The following FGF12 variants were observed in gnomAD, a reference collection of about 807,000 sequenced individuals.
The protein encoded by FGF12 is fibroblast growth factor 12B.
FGF12 carries 14 observed loss-of-function variants against 23.6 expected under a neutral mutation model. The ratio of observed to expected loss-of-function variants is 0.59; its 90% CI spans 0.39 to 0.93. The LOEUF (loss-of-function observed/expected upper bound fraction) is 0.93. FGF12 is among the 40% of genes least tolerant of loss of function. FGF12 has a pLI of 0.00. For missense variants in FGF12, 175 were observed against 217.8 expected, an observed-to-expected ratio of 0.80 and a Z score of 1.24; for synonymous variants, 62 against 77.3, an observed-to-expected ratio of 0.80 and a Z score of 1.04.
At chr3:192,397,328 T>C (rs80326574) in intron 2 of FGF12, among the ~76,000 whole-genome samples, 3 of 152,218 alleles carry the variant, frequency 2.0e-5, no homozygotes, top group African/African-American at 7.2e-5. Context: ...GAATCCTCTC[T>C]ACTTTCCCGA....
At chr3:192,577,874 G>GT (rs35835840) in intron 2 of FGF12, among the ~76,000 whole-genome samples, 118,066 of 152,080 alleles carry the variant, frequency 0.78, 46,222 homozygotes, top group East Asian at 0.98. Context: ...CTAATGTGAA[G>GT]TGTTAGATAA....
intron 2 of FGF12, among the ~76,000 whole-genome samples, chr3:192,512,914 A>G (rs535615225): frequency 1.6e-4 from 23 of 142,794 alleles, no homozygotes; most frequent in African/African-American, 5.9e-4. Flanking sequence ...TGAGTTTCAA[A>G]GATGGGTAGT....
chr3:192,407,956 C>G (rs1721030634), intron 2 of FGF12: 1 of 1,481,020 alleles, frequency 6.8e-7, no homozygotes, highest in African/African-American at 1.4e-5. Flanking sequence ...ACGGGGGTCC[C>G]GAGGTGCTTT....
intron 2 of FGF12, among the ~76,000 whole-genome samples, chr3:192,623,883 C>G (rs1269263155): frequency 6.6e-6 from 1 of 152,160 alleles, no homozygotes; most frequent in Admixed American, 6.5e-5. Context: ...GTAATCATGA[C>G]TAGTTGCCAA....
chr3:192,391,146 T>C (rs1356727082), intron 2 of FGF12, among the ~76,000 whole-genome samples: 3 of 152,268 alleles, frequency 2.0e-5, no homozygotes, highest in African/African-American at 7.2e-5. Context: ...GATGCACCGC[T>C]TGGGGATTAG....
intron 4 of FGF12, among the ~76,000 whole-genome samples, chr3:192,229,973 T>C (rs1473102339): frequency 3.0e-4 from 46 of 151,450 alleles, no homozygotes. Flanking sequence ...GAGAAAGATG[T>C]TGTAAACTTT....
chr3:192,503,793 A>C (rs1724207814), intron 2 of FGF12, among the ~76,000 whole-genome samples: 3 of 151,976 alleles, frequency 2.0e-5, no homozygotes, highest in African/African-American at 7.3e-5. Flanking sequence ...TTTTTAGTAG[A>C]GACGGGGTTT....
At chr3:192,244,867 C>T (rs1435170234) in intron 4 of FGF12, 1 of 152,104 alleles carries the variant, frequency 6.6e-6, no homozygotes, top group African/African-American at 2.4e-5. Context: ...TGACCCAGAG[C>T]CCTTCGAGTC....
intron 2 of FGF12, among the ~76,000 whole-genome samples, chr3:192,666,641 T>G (rs1716881677): frequency 6.6e-6 from 1 of 152,054 alleles, no homozygotes; most frequent in Non-Finnish European, 1.5e-5. Flanking sequence ...ACCATGGAGG[T>G]CTTCAAGTCC....
chr3:192,189,361 C>G (rs1470465784), intron 4 of FGF12, among the ~76,000 whole-genome samples: 2 of 152,178 alleles, frequency 1.3e-5, no homozygotes, highest in Non-Finnish European at 2.9e-5. Context: ...CCTCTCCAAA[C>G]AGAAATTAGC....
chr3:192,446,563 G>A (rs560720178), intron 2 of FGF12, among the ~76,000 whole-genome samples: 61 of 152,142 alleles, frequency 4.0e-4, no homozygotes, highest in Non-Finnish European at 7.8e-4. Flanking sequence ...TCTGCTTCCC[G>A]TGGGTCTTTA....
chr3:192,555,650 A>AG (rs1435100814), intron 2 of FGF12, among the ~76,000 whole-genome samples: 3 of 112,900 alleles, frequency 2.7e-5, no homozygotes, highest in Admixed American at 8.5e-5. Context: ...AAAAAAAAAA[A>AG]GGCCAGGTGT....
intron 2 of FGF12, among the ~76,000 whole-genome samples, chr3:192,557,092 G>T (rs1372352762): frequency 5.9e-5 from 9 of 151,504 alleles, no homozygotes; most frequent in Non-Finnish European, 8.9e-5. Context: ...GTAAATGCCT[G>T]CAATAAGAAA....
intron 2 of FGF12, among the ~76,000 whole-genome samples, chr3:192,641,198 C>G (rs1715790215): frequency 1.2e-5 from 1 of 80,484 alleles, no homozygotes; most frequent in African/African-American, 4.5e-5. Context: ...CTCCGCCTCC[C>G]GGGTTCACGC....
chr3:192,683,063 T>C (rs1717593743), intron 2 of FGF12, among the ~76,000 whole-genome samples: 1 of 152,230 alleles, frequency 6.6e-6, no homozygotes. Flanking sequence ...GTATCCCTAA[T>C]AATAGAACTA....
At chr3:192,519,012 TGA>T (rs1724750042) in intron 2 of FGF12, among the ~76,000 whole-genome samples, 1 of 152,158 alleles carries the variant, frequency 6.6e-6, no homozygotes, top group Non-Finnish European at 1.5e-5. Flanking sequence ...AAAATAAGAC[TGA>T]GAGTTCATAC....
At chr3:192,634,088 G>A (rs1268314185) in intron 2 of FGF12, among the ~76,000 whole-genome samples, 2 of 152,088 alleles carry the variant, frequency 1.3e-5, no homozygotes, top group Non-Finnish European at 2.9e-5. Context: ...CAAAGGATAC[G>A]AAACAAAATG....
chr3:192,599,269 A>AATAATT (rs1553837300), intron 2 of FGF12, among the ~76,000 whole-genome samples: 5 of 148,078 alleles, frequency 3.4e-5, no homozygotes, highest in East Asian at 2.0e-4. Flanking sequence ...TAATAATAAT[A>AATAATT]ATAATAATAA....
chr3:192,388,215 C>A (rs1002108064), intron 2 of FGF12, among the ~76,000 whole-genome samples: 1 of 151,860 alleles, frequency 6.6e-6, no homozygotes. Context: ...GAGCTGCGAT[C>A]GGACTGTTGT....
Sources: allele counts gnomAD v4.1 joint callset (sites outside exome capture counted in the v4.1 genomes callset), GRCh38; gene constraint gnomAD v4.1.1; transcripts MANE v1.5; gene names NCBI Gene and HGNC (gene_info 2026-07-23, HGNC 2026-07-21).